The following PPARGC1A variants were observed in gnomAD, a reference collection of about 807,000 sequenced individuals.
The protein encoded by PPARGC1A is PPARG coactivator 1 alpha.
PPARGC1A carries 25 observed loss-of-function variants against 88.7 expected under a neutral mutation model. That is an observed-to-expected ratio of 0.28 (90% CI 0.21 to 0.39). The LOEUF is 0.39. Among genes scored for constraint, PPARGC1A ranks in the 10% least tolerant of loss-of-function variants. The probability of loss-of-function intolerance (pLI) is 1.00; values close to 1 mark genes in which losing one functional copy is unlikely to be tolerated. For synonymous variants in PPARGC1A, 363 were observed against 355.6 expected, an observed-to-expected ratio of 1.02 and a Z score of -0.24; for missense variants, 880 against 968.7, an observed-to-expected ratio of 0.91 and a Z score of 1.22.
the PPARGC1A span, among the ~76,000 whole-genome samples, chr4:24,327,471 C>G: frequency 1.3e-5 from 2 of 152,204 alleles, no homozygotes; most frequent in African/African-American, 4.8e-5. Flanking sequence ...TAGGCACTCT[C>G]TAATTAGATG....
At chr4:24,318,322 G>A in the PPARGC1A span, among the ~76,000 whole-genome samples, 2 of 152,156 alleles carry the variant, frequency 1.3e-5, no homozygotes, top group Non-Finnish European at 2.9e-5. Flanking sequence ...AATGACACAA[G>A]CTGTTTCTAA....
chr4:23,795,917 A>T lies in PPARGC1A; in HGVS notation c.2302T>A (p.Ser768Thr), dbSNP rs369150524. 3 of 1,610,208 alleles carry T rather than the reference A, an allele frequency of 1.9e-6. No homozygotes were observed. Among genetic ancestry groups the T allele is most frequent in the Non-Finnish European group, 2.5e-6 (3 of 1,178,194 alleles). Residue 768 changes from serine to threonine, a missense_variant, in exon 13 of 13, where the codon TCA (serine) becomes ACA (threonine). Coordinates refer to ENST00000264867, the MANE Select transcript of PPARGC1A (RefSeq NM_013261.5). ...GTGGAAGCAGGGTCAAAGTCATCTG[A>T]GTTTGAATCTGAAAAAAAACACAAG... is the stretch of plus-strand genomic sequence containing the variant. ...KSNYADLDSN[S>T]DDFDPASTKS...
At chr4:24,442,428 C>T in the PPARGC1A span, among the ~76,000 whole-genome samples, 5 of 152,060 alleles carry the variant, frequency 3.3e-5, no homozygotes, top group Non-Finnish European at 7.4e-5. Flanking sequence ...AGTTTTAATT[C>T]GTAATCTTAC....
the PPARGC1A span, among the ~76,000 whole-genome samples, chr4:24,421,456 G>A: frequency 1.3e-4 from 19 of 151,786 alleles, no homozygotes; most frequent in South Asian, 2.1e-4. Context: ...GACTACAGGC[G>A]CCCGCCATCA....
chr4:23,793,443 C>G lies in PPARGC1A; in HGVS notation c.*2379G>C, dbSNP rs945762009. On this transcript the variant is annotated 3_prime_UTR_variant, in exon 13 of 13. Coordinates refer to ENST00000264867, the MANE Select transcript of PPARGC1A (RefSeq NM_013261.5). ...CGACAGGACAAACAGTGGATTCACT[C>G]AGAACACAATATGCTGGTGATAAAT... is the stretch of plus-strand genomic sequence containing the variant. 1.3e-5 allele frequency: 2 copies of G among 152,442 alleles called. No individual in the cohort carries two copies. Among genetic ancestry groups the G allele is most frequent in the African/African-American group, 4.8e-5 (2 of 41,442 alleles). 9.4% of individuals were successfully genotyped at this position (152,442 alleles called of 1,614,324 possible).
the PPARGC1A span, among the ~76,000 whole-genome samples, chr4:24,102,206 TA>T: frequency 2.0e-5 from 3 of 152,202 alleles, no homozygotes; most frequent in African/African-American, 7.2e-5. Flanking sequence ...TGGTGGTATT[TA>T]AAATACAATA....
the PPARGC1A span, among the ~76,000 whole-genome samples, chr4:23,984,250 G>T: frequency 1.3e-5 from 2 of 151,938 alleles, no homozygotes; most frequent in Admixed American, 6.6e-5. Flanking sequence ...TATACCAGGG[G>T]ATTCCTGTTC....
the PPARGC1A span, among the ~76,000 whole-genome samples, chr4:24,056,417 T>C: frequency 6.6e-6 from 1 of 152,210 alleles, no homozygotes; most frequent in African/African-American, 2.4e-5. Context: ...TTTGCTTTGC[T>C]TAGAATAATA....
the PPARGC1A span, among the ~76,000 whole-genome samples, chr4:24,445,934 G>A: frequency 1.3e-5 from 2 of 152,072 alleles, no homozygotes; most frequent in South Asian, 2.1e-4. Flanking sequence ...TGGTGTGGGG[G>A]CATGTGCTGT....
At chr4:24,017,132 A>G in the PPARGC1A span, among the ~76,000 whole-genome samples, 2 of 152,192 alleles carry the variant, frequency 1.3e-5, no homozygotes, top group African/African-American at 4.8e-5. Flanking sequence ...CTTTATCGCC[A>G]TGTGAAAGGT....
chr4:23,825,335 T>C (rs2970854), intron 5 of PPARGC1A: 4 of 152,012 alleles, frequency 2.6e-5, no homozygotes, highest in Non-Finnish European at 5.9e-5. Flanking sequence ...TCTATGCTTA[T>C]CTATAAGCAT....
chr4:24,461,409 G>T, the PPARGC1A span, among the ~76,000 whole-genome samples: 1 of 152,028 alleles, frequency 6.6e-6, no homozygotes, highest in East Asian at 1.9e-4. Context: ...TTTCCTTCTT[G>T]GTACTTCACA....
chr4:24,130,190 G>A, the PPARGC1A span, among the ~76,000 whole-genome samples: 40 of 152,216 alleles, frequency 2.6e-4, no homozygotes, highest in African/African-American at 9.4e-4. Context: ...TTTATTAAGA[G>A]CTTGCAATGC....
chr4:23,830,893 G>A (rs1724874699), intron 3 of PPARGC1A, among the ~76,000 whole-genome samples: 1 of 152,062 alleles, frequency 6.6e-6, no homozygotes, highest in Admixed American at 6.6e-5. Flanking sequence ...AACTTGGGTG[G>A]CAAACGTGCT....
the PPARGC1A span, among the ~76,000 whole-genome samples, chr4:24,283,427 G>T: frequency 6.6e-6 from 1 of 152,162 alleles, no homozygotes; most frequent in Non-Finnish European, 1.5e-5. Flanking sequence ...GTTCTAACTG[G>T]CAGCATTTGA....
the PPARGC1A span, among the ~76,000 whole-genome samples, chr4:24,437,243 G>C: frequency 1.3e-5 from 2 of 152,222 alleles, no homozygotes; most frequent in Non-Finnish European, 2.9e-5. Flanking sequence ...TGTTCTGTGG[G>C]AACAGCAGCC....
chr4:24,232,054 A>G, the PPARGC1A span, among the ~76,000 whole-genome samples: 1 of 152,298 alleles, frequency 6.6e-6, no homozygotes, highest in South Asian at 2.1e-4. Context: ...TCAGGTCACC[A>G]TGAAACACGT....
intron 2 of PPARGC1A, among the ~76,000 whole-genome samples, chr4:23,865,084 C>T (rs1711603399): frequency 6.6e-6 from 1 of 152,106 alleles, no homozygotes; most frequent in South Asian, 2.1e-4. Flanking sequence ...ACTCGGGAGG[C>T]TGAGGCAGGA....
the PPARGC1A span, among the ~76,000 whole-genome samples, chr4:24,028,593 C>G: frequency 1.2e-4 from 19 of 152,282 alleles, no homozygotes; most frequent in Middle Eastern, 3.4e-3. Flanking sequence ...AAGAGGTTAA[C>G]AGGGAAGGTT....
Sources: allele counts gnomAD v4.1 joint callset (sites outside exome capture counted in the v4.1 genomes callset), GRCh38; gene constraint gnomAD v4.1.1; transcripts MANE v1.5; gene names NCBI Gene and HGNC (gene_info 2026-07-23, HGNC 2026-07-21).